Variants in SYK observed in about 807,000 individuals in gnomAD.
SYK encodes spleen associated tyrosine kinase.
SYK carries 16 observed loss-of-function variants against 77.8 expected under a neutral mutation model. The observed-to-expected ratio is 0.21, with a 90% CI of 0.14 to 0.31. The LOEUF is 0.31. Among genes scored for constraint, SYK ranks in the 10% least tolerant of loss-of-function variants. The pLI is 1.00. For missense variants in SYK, 529 were observed against 814.4 expected, an observed-to-expected ratio of 0.65 and a Z score of 4.26; for synonymous variants, 312 against 308.7, an observed-to-expected ratio of 1.01 and a Z score of -0.11.
At chr9:90,813,621 C>A (rs1825179932) in intron 1 of SYK, among the ~76,000 whole-genome samples, 3 of 152,286 alleles carry the variant, frequency 2.0e-5, no homozygotes, top group Non-Finnish European at 4.4e-5. Context: ...ATGCTGTATG[C>A]AAAGCACCAA....
intron 1 of SYK, among the ~76,000 whole-genome samples, chr9:90,810,388 G>A (rs763760405): frequency 2.6e-5 from 4 of 152,172 alleles, no homozygotes; most frequent in African/African-American, 4.8e-5. Flanking sequence ...TTGGAGTAGG[G>A]CTCACCCTAA....
At chr9:90,809,701 A>T (rs548169410) in intron 1 of SYK, among the ~76,000 whole-genome samples, 3 of 152,228 alleles carry the variant, frequency 2.0e-5, no homozygotes, top group Admixed American at 6.5e-5. Context: ...CATAGAGATA[A>T]ATTTACTATC....
rs540246906 is a variant in SYK, at chr9:90,813,927, C to A, written c.-42+12034C>A. ...TCCCCAGTCACTAGACAAGGTCACT[C>A]CCCCGGGGGGCATCTTACTCAGAAG... On this transcript the variant is annotated intron_variant, in intron 1 of 13. Transcript: ENST00000375754. 4.6e-5 allele frequency among the ~76,000 whole-genome samples: 7 copies of A among 152,284 alleles called. No individual in the cohort carries two copies. The South Asian group carries it at 1.4e-3, about 32-fold the overall frequency.
Position 90,867,527 on chromosome 9 carries a change from G to A in SYK, c.915+328G>A, listed in dbSNP as rs377299484. On this transcript the variant is annotated intron_variant, in intron 7 of 13. Coordinates refer to ENST00000375754, the MANE Select transcript of SYK (RefSeq NM_003177.7). ...ATGTCCGAAAATCTTTTCAAAGATGGCCCACTTACTTTTTGGTGGCCAGAC... is the reference window on the plus strand; with the variant it reads ...ATGTCCGAAAATCTTTTCAAAGATGACCCACTTACTTTTTGGTGGCCAGAC... Among the ~76,000 whole-genome samples, 6 of 152,306 alleles carry A rather than the reference G, an allele frequency of 3.9e-5. No individual in the cohort carries two copies. In the South Asian group the frequency reaches 8.3e-4, roughly 21 times the overall value.
At chr9:90,832,292 T>C (rs1048048901) in intron 1 of SYK, among the ~76,000 whole-genome samples, 28 of 152,188 alleles carry the variant, frequency 1.8e-4, no homozygotes, top group African/African-American at 6.3e-4. Flanking sequence ...ATCGATGAAA[T>C]GGAGAGAGGA....
chr9:90,884,125 A>AT (rs1386781116), intron 11 of SYK, among the ~76,000 whole-genome samples: 9 of 119,624 alleles, frequency 7.5e-5, no homozygotes. Flanking sequence ...TCAAACCCAA[A>AT]GTGCCCTACA....
intron 1 of SYK, among the ~76,000 whole-genome samples, chr9:90,807,927 G>A (rs1824905851): frequency 6.6e-6 from 1 of 152,112 alleles, no homozygotes; most frequent in Admixed American, 6.5e-5. Flanking sequence ...AAGATATAAT[G>A]GTGGGCTGTG....
Position 90,836,423 on chromosome 9 carries a change from A to G in SYK, c.-41-7435A>G, listed in dbSNP as rs55738705. On this transcript the variant is annotated intron_variant, in intron 1 of 13. Coordinates refer to ENST00000375754, the MANE Select transcript of SYK (RefSeq NM_003177.7). ...AATTAAAATTTATCAAAACTTACACATAAATACTTATATGCCATTCACAGT... is the reference window on the plus strand; with the variant it reads ...AATTAAAATTTATCAAAACTTACACGTAAATACTTATATGCCATTCACAGT... Among the ~76,000 whole-genome samples the G allele has an allele frequency of 3.6e-3, 542 of 152,376 alleles. 1 individual carries two copies. The highest frequency in any genetic ancestry group is 0.013 in the African/African-American group (529 of 41,590).
rs187496961 is a variant in SYK, at chr9:90,874,964, A to G, written c.1181+115A>G. ...AAACCCTTTTTTTATTAATGCTACC[A>G]TTCTTGTTAATTTCTGGTACTATTA... is the stretch of plus-strand genomic sequence containing the variant. On this transcript the variant is annotated intron_variant, in intron 9 of 13. Transcript: ENST00000375754. The G allele has an allele frequency of 2.6e-3, 3,114 of 1,216,202 alleles. 5 individuals are homozygous for G. Among genetic ancestry groups the G allele is most frequent in the Non-Finnish European group, 3.3e-3 (2,911 of 875,352 alleles). The allele number at this position is 1,216,202 out of a possible 1,614,324, so 75.3% of individuals were successfully genotyped here. A position where few individuals can be genotyped will look rare whatever the true frequency, so the allele number is the denominator to read the frequency against.
At chr9:90,802,433 G>A (rs1414255881) in intron 1 of SYK, among the ~76,000 whole-genome samples, 1 of 152,146 alleles carries the variant, frequency 6.6e-6, no homozygotes, top group Admixed American at 6.5e-5. Flanking sequence ...CAACCCTTCT[G>A]AACCACTACT....
At chr9:90,894,404 GT>G (rs890535974) in intron 13 of SYK, among the ~76,000 whole-genome samples, 4 of 152,200 alleles carry the variant, frequency 2.6e-5, no homozygotes, top group Admixed American at 2.6e-4. Context: ...AATTCGAGCA[GT>G]TTTATCATTT....
At chr9:90,822,672 C>G (rs1271835476) in intron 1 of SYK, among the ~76,000 whole-genome samples, 1 of 152,086 alleles carries the variant, frequency 6.6e-6, no homozygotes, top group African/African-American at 2.4e-5. Flanking sequence ...ATATTTAGGC[C>G]CACAGGATGA....
intron 1 of SYK, among the ~76,000 whole-genome samples, chr9:90,842,635 T>A (rs1826410984): frequency 6.7e-6 from 1 of 150,304 alleles, no homozygotes; most frequent in Non-Finnish European, 1.5e-5. Context: ...TGTATGTAGT[T>A]TGTGTGTTTG....
intron 10 of SYK, 116 bp downstream of exon 10, chr9:90,877,896 C>T: frequency 9.8e-7 from 1 of 1,019,068 alleles, no homozygotes; most frequent in Non-Finnish European, 1.5e-6. Context: ...CCTGTGCCTT[C>T]CTTTATTGGT....
In SYK at chr9:90,843,938, C is replaced by A; in HGVS notation, c.40C>A (p.Pro14Thr). Residue 14 changes from proline (P) to threonine (T), a missense_variant, in exon 2 of 14, where the codon CCC (proline) becomes ACC (threonine). Around this residue, in one of 2 missense-constraint regions of SYK, gnomAD observed 321 missense variants for 433.1 expected, o/e 0.74. Coordinates refer to ENST00000375754, the MANE Select transcript of SYK (RefSeq NM_003177.7). ...SGMADSANHLPFFFGNITREE... is the reference protein window; with the variant it reads ...SGMADSANHLTFFFGNITREE... ...CATGGCTGACAGCGCCAACCACCTG[C>A]CCTTCTTTTTCGGCAACATCACCCG... 1.3e-6 allele frequency: 2 copies of A among 1,570,610 alleles called. No homozygotes were observed. The highest frequency in any genetic ancestry group is 8.6e-7 in the Non-Finnish European group (1 of 1,156,980).
At chr9:90,837,319 G>T (rs116835946) in intron 1 of SYK, among the ~76,000 whole-genome samples, 1,845 of 152,214 alleles carry the variant, frequency 0.012, 30 homozygotes, top group African/African-American at 0.035. Flanking sequence ...GACCTTTGGG[G>T]CTCACATTTT....
At chr9:90,869,935 T>C (rs1827665243) in intron 7 of SYK, among the ~76,000 whole-genome samples, 1 of 151,970 alleles carries the variant, frequency 6.6e-6, no homozygotes. Flanking sequence ...TGGTGAAAAC[T>C]CATCTCTATT....
intron 11 of SYK, among the ~76,000 whole-genome samples, chr9:90,884,482 C>CATATGTGTGTACATGTACAT (rs1564121271): frequency 1.5e-4 from 1 of 6,686 alleles, no homozygotes; most frequent in East Asian, 0.013. Flanking sequence ...TATACATACA[C>CATATGTGTGTACATGTACAT]ACACATACAC....
intron 1 of SYK, among the ~76,000 whole-genome samples, chr9:90,832,012 C>G (rs137973003): frequency 6.6e-6 from 1 of 152,064 alleles, no homozygotes; most frequent in Non-Finnish European, 1.5e-5. Flanking sequence ...ACCATGAGTT[C>G]AAGGTTAATG....
Sources: gnomAD v4.1 joint callset for allele counts (sites outside exome capture counted in the v4.1 genomes callset) on GRCh38, gnomAD v4.1.1 for gene constraint, gnomAD v4.1.1 regional missense constraint, MANE v1.5 for transcripts, NCBI Gene and HGNC (gene_info 2026-07-23, HGNC 2026-07-21) for gene names.